Variants in SMTNL2 observed in about 807,000 individuals in gnomAD.
The protein encoded by SMTNL2 is smoothelin-like protein 2.
SMTNL2 carries 43 observed loss-of-function variants against 44.1 expected under a neutral mutation model. That is an observed-to-expected ratio of 0.98 (90% CI 0.76 to 1.26). The LOEUF (loss-of-function observed/expected upper bound fraction) is 1.26, where lower values mean the gene tolerates loss of function less well. Ranked by LOEUF, SMTNL2 falls within the 50% of genes most tolerant of loss-of-function variation. SMTNL2 has a pLI of 0.00. For synonymous variants in SMTNL2, 317 were observed against 287.6 expected (o/e 1.10, Z -1.03); for missense variants, 646 against 670.2 (o/e 0.96, Z 0.40).
rs2150523333 is a variant in SMTNL2 at position 4,597,260 on chromosome 17, A to G, written c.1196A>G (p.Asp399Gly). ...CACTCCTTCTTCCCCGATGCCTTTG[A>G]CTACAACTCCCTGAGCCCCACGCAG... Reference protein sequence around the residue: ...LVHSFFPDAFDYNSLSPTQRQ... With the variant: ...LVHSFFPDAFGYNSLSPTQRQ... Residue 399 changes from aspartate to glycine, a missense_variant, in exon 7 of 8, where the codon GAC (aspartate) becomes GGC (glycine). Physicochemically the swap from Asp to Gly is moderately conservative, Grantham distance 94 (BLOSUM62 -1). Transcript: ENST00000389313. 1 of 1,614,060 alleles carries G rather than the reference A, an allele frequency of 6.2e-7. No homozygotes were observed. Among genetic ancestry groups the G allele is most frequent in the South Asian group, 1.1e-5 (1 of 91,080 alleles).
intron 1 of SMTNL2, among the ~76,000 whole-genome samples, chr17:4,586,223 TTCTTAAACATG>T (rs1409457198): frequency 6.6e-6 from 1 of 152,034 alleles, no homozygotes; most frequent in Non-Finnish European, 1.5e-5. Flanking sequence ...CTGTAAGAAG[TTCTTAAACATG>T]TCATGGTAGC....
intron 1 of SMTNL2, among the ~76,000 whole-genome samples, chr17:4,586,781 G>A (rs1377559233): frequency 1.3e-5 from 2 of 152,142 alleles, no homozygotes; most frequent in East Asian, 3.9e-4. Context: ...GTGTGTAGAG[G>A]GGCTGCCTTG....
At chr17:4,584,320 T>A (rs150349381), upstream of SMTNL2, among the ~76,000 whole-genome samples, 1 of 152,094 alleles carries the variant, frequency 6.6e-6, no homozygotes, top group Non-Finnish European at 1.5e-5. Context: ...CCGCCGCCCC[T>A]CCCGCAGGCC....
intron 1 of SMTNL2, among the ~76,000 whole-genome samples, chr17:4,589,628 A>C (rs1229170992): frequency 1.3e-5 from 2 of 151,882 alleles, no homozygotes; most frequent in Non-Finnish European, 2.9e-5. Flanking sequence ...GTCTGCTGTG[A>C]GCTCCCCAGT....
chr17:4,584,463 C>A, upstream of SMTNL2: 2 of 952,076 alleles, frequency 2.1e-6, no homozygotes, highest in Non-Finnish European at 2.7e-6. Context: ...CCGGCTCCGC[C>A]CCCGAGGCCC....
At chr17:4,588,601 C>T (rs913286475) in intron 1 of SMTNL2, among the ~76,000 whole-genome samples, 3 of 152,226 alleles carry the variant, frequency 2.0e-5, no homozygotes, top group Admixed American at 1.3e-4. Context: ...GGGGACAGCT[C>T]GTTCCAGCCC....
At position 4,584,939 on chromosome 17, in the gene SMTNL2, G is replaced by T; in HGVS notation, c.334G>T (p.Ala112Ser). 7.5e-7 allele frequency: 1 copy of T among 1,325,596 alleles called. No homozygotes were observed. The allele number at this position is 1,325,596 out of a possible 1,614,324, so 82.1% of individuals were successfully genotyped here. A position where few individuals can be genotyped will look rare whatever the true frequency, so the allele number is the denominator to read the frequency against. ...GCCCGCGCCCGGGGTTCCCGACCGCGCGCCCCGCCTGGGCAGCGCACGCTT... is the reference window on the plus strand; with the variant it reads ...GCCCGCGCCCGGGGTTCCCGACCGCTCGCCCCGCCTGGGCAGCGCACGCTT... ...PPPAPGVPDR[A>S]PRLGSARFAS... Residue 112 changes from alanine (A) to serine (S), a missense_variant, in exon 1 of 8, where the codon GCG (alanine) becomes TCG (serine). Coordinates refer to ENST00000389313, the MANE Select transcript of SMTNL2 (RefSeq NM_001114974.2).
chr17:4,595,504 G>A lies in SMTNL2; in HGVS notation c.989+177G>A, dbSNP rs761384779. On this transcript the variant is annotated intron_variant, in intron 5 of 7. Coordinates refer to ENST00000389313, the MANE Select transcript of SMTNL2 (RefSeq NM_001114974.2). The surrounding 1 kb of genome is among the most constrained non-coding windows in gnomAD (Gnocchi z 5.1). Reference sequence around the variant, plus strand: ...TAGGGCTGGGCCACAGGGCAGCTTGGGGGGACAGAGGACCCCAGTTGTTGG... The same window carrying A: ...TAGGGCTGGGCCACAGGGCAGCTTGAGGGGACAGAGGACCCCAGTTGTTGG... Among the ~76,000 whole-genome samples, 2 of 152,222 alleles carry A rather than the reference G, an allele frequency of 1.3e-5. No individual in the cohort carries two copies. The highest frequency in any genetic ancestry group is 6.5e-5 in the Admixed American group (1 of 15,286).
At chr17:4,584,405 G>T (rs1339850722), upstream of SMTNL2, 8 of 461,110 alleles carry the variant, frequency 1.7e-5, no homozygotes, top group Non-Finnish European at 2.4e-5. Context: ...CTCTCCCTCC[G>T]CACCGTCCCG....
At chr17:4,597,474 T>G in intron 7 of SMTNL2, 151 bp downstream of exon 7, 1 of 1,094,248 alleles carries the variant, frequency 9.1e-7, no homozygotes, top group Non-Finnish European at 1.3e-6. Flanking sequence ...GTACCTCTTG[T>G]GCAGATGGGA....
Position 4,595,645 on chromosome 17 carries a change from C to T in SMTNL2, c.989+318C>T, listed in dbSNP as rs1217949383. Among the ~76,000 whole-genome samples, 1 of 152,228 alleles carries T rather than the reference C, an allele frequency of 6.6e-6. No individual in the cohort carries two copies. The highest frequency in any genetic ancestry group is 2.4e-5 in the African/African-American group (1 of 41,462). On this transcript the variant is annotated intron_variant, in intron 5 of 7. Transcript: ENST00000389313. This position sits in a 1 kb window ranked among gnomAD's most constrained non-coding sequence, Gnocchi z 5.1. The stretch of plus-strand genomic sequence containing the variant: ...TGCCGCCAGGCTGCCCTCACACCCA[C>T]ATTCCCCAGGGGTTGTGGCTCCTCT...
intron 7 of SMTNL2, among the ~76,000 whole-genome samples, chr17:4,604,487 G>A (rs1045681848): frequency 1.3e-5 from 2 of 152,214 alleles, no homozygotes; most frequent in Non-Finnish European, 2.9e-5. Context: ...GCACACAGCC[G>A]CGTGAGTCCT....
chr17:4,584,208 C>T (rs1330492678), upstream of SMTNL2: 1 of 166,914 alleles, frequency 6.0e-6, no homozygotes, highest in East Asian at 1.6e-4. Flanking sequence ...AGTCTCCGCC[C>T]CCGGAGGAAC....
intron 7 of SMTNL2, among the ~76,000 whole-genome samples, chr17:4,604,143 C>T (rs888304535): frequency 2.0e-4 from 30 of 152,218 alleles, no homozygotes; most frequent in Admixed American, 1.2e-3. Flanking sequence ...CCGCGCCCGG[C>T]CTGAACTCAG....
Position 4,584,808 on chromosome 17 carries a change from A to G in SMTNL2, c.203A>G (p.Gln68Arg). ...RTVADLQRDN[Q>R]RLQAQLERLT... ...GTGGCCGACCTGCAGCGGGACAACC[A>G]GCGGCTGCAGGCGCAGCTCGAGCGC... is the stretch of plus-strand genomic sequence containing the variant. Residue 68 changes from glutamine to arginine, a missense_variant, in exon 1 of 8, where the codon CAG becomes CGG. By Grantham distance (43) the Gln-to-Arg change is conservative. Transcript: ENST00000389313. The G allele has an allele frequency of 7.5e-7, 1 of 1,325,866 alleles. No individual in the cohort carries two copies. The highest frequency in any genetic ancestry group is 3.8e-5 in the Admixed American group (1 of 26,218). 82.1% of individuals were successfully genotyped at this position (1,325,866 alleles called of 1,614,324 possible). A position where few individuals can be genotyped will look rare whatever the true frequency, so the allele number is the denominator to read the frequency against.
At chr17:4,585,448 A>T (rs1909308590) in intron 1 of SMTNL2, among the ~76,000 whole-genome samples, 1 of 152,192 alleles carries the variant, frequency 6.6e-6, no homozygotes. Context: ...CTGGTTATTG[A>T]TTAACTCAGA....
rs768830044 is a variant in SMTNL2 at position 4,593,140 on chromosome 17, G to T, written c.699G>T (p.Glu233Asp). Residue 233 changes from glutamate (E) to aspartate (D), a missense_variant, in exon 3 of 8, where the codon GAG becomes GAT. By Grantham distance (45) the Glu-to-Asp change is conservative (BLOSUM62 2). Coordinates refer to ENST00000389313, the MANE Select transcript of SMTNL2 (RefSeq NM_001114974.2). Reference protein sequence around the residue: ...TLGGLNPSPSEVITPWTPSPS... With the variant: ...TLGGLNPSPSDVITPWTPSPS... ...GGGGCCTCAACCCAAGCCCCAGCGA[G>T]GTCATCACGCCCTGGACTCCCAGTC... 16 of 1,610,362 alleles carry T rather than the reference G, an allele frequency of 9.9e-6. No homozygotes were observed. In the East Asian group the frequency reaches 3.3e-4, roughly 34 times the overall value.
chr17:4,600,485 C>T lies in SMTNL2; in HGVS notation c.1259+3162C>T, dbSNP rs978455445. Among the ~76,000 whole-genome samples, 4 of 152,152 alleles carry T rather than the reference C, an allele frequency of 2.6e-5. No individual in the cohort carries two copies. Among genetic ancestry groups the T allele is most frequent in the African/African-American group, 9.7e-5 (4 of 41,410 alleles). ...CCTTGCGTGAGGAATGAAGCATTTC[C>T]CCGAGCAAGTGCCTTAAAGGCACAA... On this transcript the variant is annotated intron_variant, in intron 7 of 7. Coordinates refer to ENST00000389313, the MANE Select transcript of SMTNL2 (RefSeq NM_001114974.2). This position sits in a 1 kb window ranked among gnomAD's most constrained non-coding sequence, Gnocchi z 4.7.
intron 4 of SMTNL2, among the ~76,000 whole-genome samples, chr17:4,594,455 AT>A (rs1017006402): frequency 2.2e-4 from 33 of 150,328 alleles, no homozygotes; most frequent in African/African-American, 7.9e-4. Flanking sequence ...TCTACAAAAA[AT>A]AAATAAATAA....
Sources: allele counts gnomAD v4.1 joint callset (sites outside exome capture counted in the v4.1 genomes callset), GRCh38; gene constraint gnomAD v4.1.1; non-coding constraint Gnocchi (gnomAD v3.1); transcripts MANE v1.5; gene names NCBI Gene and HGNC (gene_info 2026-07-23, HGNC 2026-07-21).